Variants in PPP1R8 observed in about 807,000 individuals in gnomAD.
PPP1R8 encodes protein phosphatase 1 regulatory subunit 8, also known as nuclear inhibitor of protein phosphatase 1.
In PPP1R8, 4 loss-of-function variants were observed where a neutral mutation model predicts 31.3. That is an observed-to-expected ratio of 0.13 (90% CI 0.06 to 0.29). The LOEUF (loss-of-function observed/expected upper bound fraction) is 0.29, where lower values mean the gene tolerates loss of function less well. Ranked by LOEUF, PPP1R8 falls within the 10% of genes least tolerant of loss-of-function variation. PPP1R8 has a pLI of 1.00. For synonymous variants in PPP1R8, 170 were observed against 169.7 expected, an observed-to-expected ratio of 1.00 and a Z score of -0.01; for missense variants, 254 against 440.1, an observed-to-expected ratio of 0.58 and a Z score of 3.78.
intron 4 of PPP1R8, among the ~76,000 whole-genome samples, chr1:27,841,609 A>T (rs555370956): frequency 2.0e-5 from 3 of 152,352 alleles, no homozygotes; most frequent in Admixed American, 2.0e-4. Context: ...TTATGTAGTC[A>T]CATATGGCTA....
chr1:27,850,482 G>GGTGGA lies in PPP1R8; in HGVS notation c.*36_*37insGTGGA. On this transcript the variant is annotated 3_prime_UTR_variant, in exon 7 of 7. Coordinates refer to ENST00000311772, the MANE Select transcript of PPP1R8 (RefSeq NM_014110.5). ...CATGGAGAAGGGTGGGATTGGGTGG[G>GGTGGA]AATGGGGTGGAAGGGTGATGGGGAG... is the stretch of plus-strand genomic sequence containing the variant. The GGTGGA allele has an allele frequency of 2.0e-6, 1 of 511,100 alleles. No homozygotes were observed. The highest frequency in any genetic ancestry group is 3.9e-6 in the Non-Finnish European group (1 of 253,774). The allele number at this position is 511,100 out of a possible 1,614,324, so 31.7% of individuals were successfully genotyped here.
intron 2 of PPP1R8, among the ~76,000 whole-genome samples, chr1:27,837,642 G>A (rs1194017203): frequency 6.6e-6 from 1 of 151,542 alleles, no homozygotes; most frequent in Non-Finnish European, 1.5e-5. Context: ...GGGCGTGGTG[G>A]CGGGCGCCTG....
intron 6 of PPP1R8, among the ~76,000 whole-genome samples, chr1:27,849,392 AT>A (rs1362174620): frequency 4.0e-5 from 6 of 149,768 alleles, no homozygotes; most frequent in African/African-American, 1.3e-4. Flanking sequence ...AAAAAAAAAA[AT>A]TGCACACCAA....
intron 2 of PPP1R8, among the ~76,000 whole-genome samples, chr1:27,836,507 C>T (rs184908202): frequency 1.3e-3 from 193 of 152,286 alleles, no homozygotes; most frequent in African/African-American, 4.3e-3. Flanking sequence ...CTCTGCCTCC[C>T]GGGCTCATGC....
At chr1:27,849,418 C>T (rs961708806) in intron 6 of PPP1R8, among the ~76,000 whole-genome samples, 2 of 151,086 alleles carry the variant, frequency 1.3e-5, no homozygotes, top group Non-Finnish European at 3.0e-5. Context: ...GGACATACCA[C>T]ATTTTTTCCC....
In PPP1R8 at chr1:27,832,900, C is replaced by G. The variant is rs139328471; in HGVS notation, c.117+84C>G. 1.2e-3 allele frequency: 1,394 copies of G among 1,154,898 alleles called. 22 individuals carry two copies. The African/African-American group carries it at 0.02, about 16-fold the overall frequency. The allele number at this position is 1,154,898 out of a possible 1,614,324, so 71.5% of individuals were successfully genotyped here. A position where few individuals can be genotyped will look rare whatever the true frequency, so the allele number is the denominator to read the frequency against. On this transcript the variant is annotated intron_variant, in intron 2 of 6. Coordinates refer to ENST00000311772, the MANE Select transcript of PPP1R8 (RefSeq NM_014110.5). Reference sequence around the variant, plus strand: ...TCACTTTTCCACCCCCTCTCCTGTGCTTTGTTTTCCAGCAATGCTACTTTC... The same window carrying G: ...TCACTTTTCCACCCCCTCTCCTGTGGTTTGTTTTCCAGCAATGCTACTTTC...
At chr1:27,837,277 A>G (rs1239121566) in intron 2 of PPP1R8, among the ~76,000 whole-genome samples, 1 of 151,598 alleles carries the variant, frequency 6.6e-6, no homozygotes, top group East Asian at 2.0e-4. Context: ...TAAAAATACA[A>G]AAAATTAGCT....
intron 5 of PPP1R8, among the ~76,000 whole-genome samples, chr1:27,845,172 C>CGAGATCAGGAGATCAA (rs1553120537): frequency 6.8e-6 from 1 of 147,474 alleles, no homozygotes; most frequent in Non-Finnish European, 1.5e-5. Context: ...GGGCGGATCA[C>CGAGATCAGGAGATCAA]GAGATCAGGA....
intron 5 of PPP1R8, among the ~76,000 whole-genome samples, chr1:27,846,412 C>T (rs1348429228): frequency 6.6e-6 from 1 of 152,252 alleles, no homozygotes; most frequent in African/African-American, 2.4e-5. Context: ...CAGTATCTTG[C>T]TCTTCATTTC....
chr1:27,842,905 G>A (rs2089236728), intron 4 of PPP1R8, among the ~76,000 whole-genome samples: 1 of 152,134 alleles, frequency 6.6e-6, no homozygotes, highest in African/African-American at 2.4e-5. Context: ...AAGGATATTT[G>A]CACAGATGAC....
chr1:27,841,330 A>C, intron 4 of PPP1R8, 96 bp downstream of exon 4: 2 of 1,324,448 alleles, frequency 1.5e-6, no homozygotes, highest in South Asian at 1.4e-5. Context: ...GTGACTTAGC[A>C]GCAGGGGGTT....
At position 27,850,159 on chromosome 1, in the gene PPP1R8, T is replaced by C; in HGVS notation, c.769T>C (p.Phe257Leu). ...ATCAGGGAGCAGGCGCATGCAGAAC[T>C]TTGCCTTCAGCGGAGGACTCTACGG... ...EESGSRRMQNFAFSGGLYGGL... is the reference protein window; with the variant it reads ...EESGSRRMQNLAFSGGLYGGL... The change falls in exon 7 of 7, where the codon TTT (phenylalanine) becomes CTT (leucine). Residue 257 changes from phenylalanine (F) to leucine (L), a missense_variant. Around this residue, in one of 6 missense-constraint regions of PPP1R8, gnomAD observed 105 missense variants for 128.0 expected, o/e 0.82. Coordinates refer to ENST00000311772, the MANE Select transcript of PPP1R8 (RefSeq NM_014110.5). The C allele has an allele frequency of 6.2e-7, 1 of 1,613,352 alleles. No individual in the cohort carries two copies. The highest frequency in any genetic ancestry group is 8.5e-7 in the Non-Finnish European group (1 of 1,179,602).
chr1:27,831,626 T>C (rs1462561352), intron 1 of PPP1R8, among the ~76,000 whole-genome samples: 2 of 152,338 alleles, frequency 1.3e-5, no homozygotes, highest in East Asian at 3.9e-4. Context: ...CCCGTTGTAT[T>C]GCCATCCTCA....
intron 6 of PPP1R8, among the ~76,000 whole-genome samples, chr1:27,849,321 A>G (rs1199776447): frequency 2.0e-5 from 3 of 149,258 alleles, no homozygotes; most frequent in Non-Finnish European, 4.4e-5. Context: ...CTGTGAGCTG[A>G]GATCGAGCCA....
intron 5 of PPP1R8, among the ~76,000 whole-genome samples, chr1:27,844,151 C>T (rs1339094724): frequency 1.3e-5 from 2 of 151,892 alleles, no homozygotes; most frequent in East Asian, 1.9e-4. Flanking sequence ...AACAGGTGCA[C>T]GTCACCACGC....
intron 2 of PPP1R8, chr1:27,834,437 C>A (rs1391662353): frequency 1.9e-6 from 1 of 518,982 alleles, no homozygotes; most frequent in South Asian, 1.4e-5. Flanking sequence ...TATATCCTAG[C>A]CTTGTGTCAA....
intron 5 of PPP1R8, among the ~76,000 whole-genome samples, chr1:27,845,369 G>A (rs145018051): frequency 0.051 from 7,575 of 149,286 alleles, 426 homozygotes; most frequent in East Asian, 0.25. Flanking sequence ...CAGCCTGGGC[G>A]ACAGAGCAAG....
At position 27,851,334 on chromosome 1, in the gene PPP1R8, C is replaced by G; in HGVS notation, c.*888C>G. The G allele has an allele frequency of 3.2e-6, 1 of 309,304 alleles. No homozygotes were observed. Among genetic ancestry groups the G allele is most frequent in the Non-Finnish European group, 6.5e-6 (1 of 153,908 alleles). 19.2% of individuals were successfully genotyped at this position (309,304 alleles called of 1,614,324 possible). On this transcript the variant is annotated 3_prime_UTR_variant, in exon 7 of 7. Transcript: ENST00000311772. ...TGTCAGTTTGGAGGCTCTTTCCCCC[C>G]TCAATTGAGAGCTCTTGTTATTCAG...
intron 1 of PPP1R8, among the ~76,000 whole-genome samples, chr1:27,831,597 T>C (rs1413935052): frequency 1.3e-5 from 2 of 152,220 alleles, no homozygotes; most frequent in Non-Finnish European, 2.9e-5. Flanking sequence ...AGTGTATTGT[T>C]TGTTGCTTGT....
Sources: gnomAD v4.1 joint callset for allele counts (sites outside exome capture counted in the v4.1 genomes callset) on GRCh38, gnomAD v4.1.1 for gene constraint, gnomAD v4.1.1 regional missense constraint, MANE v1.5 for transcripts, NCBI Gene and HGNC (gene_info 2026-07-23, HGNC 2026-07-21) for gene names.